Variants in SPIN3 observed in about 807,000 individuals in gnomAD.
The protein encoded by SPIN3 is spindlin-3.
For missense variants in SPIN3, 176 were observed against 196.4 expected (o/e 0.90, Z 0.62); for synonymous variants, 74 against 74.3 (o/e 1.00, Z 0.02).
rs1445771071 is a variant in SPIN3, at chrX:56,994,791, T to C, written c.157A>G (p.Arg53Gly). The C allele has an allele frequency of 5.0e-6, 6 of 1,210,154 alleles. No homozygotes were observed. The highest frequency in any genetic ancestry group is 1.7e-5 in the African/African-American group (1 of 57,161). ...SQPRGNIVGCRIQHGWKDGDE... is the reference protein window; with the variant it reads ...SQPRGNIVGCGIQHGWKDGDE... Reference sequence around the variant, plus strand: ...CCATCTTTCCATCCGTGCTGAATTCTGCAGCCCACGATGTTCCCCCGAGGC... The same window carrying C: ...CCATCTTTCCATCCGTGCTGAATTCCGCAGCCCACGATGTTCCCCCGAGGC... Residue 53 changes from arginine (R) to glycine (G), a missense_variant, in exon 2 of 2, where the codon AGA (arginine) becomes GGA (glycine). By Grantham distance (125) the Arg-to-Gly change is moderately radical. Coordinates refer to ENST00000374919, the MANE Select transcript of SPIN3 (RefSeq NM_001010862.3).
intron 3 of SPIN3, chrX:56,980,445 C>A (rs1466554760): frequency 9.1e-6 from 1 of 109,875 alleles, no homozygotes; most frequent in Non-Finnish European, 1.9e-5. Context: ...AACATGAAAA[C>A]AATATATATT....
chrX:56,977,146 T>A (rs186454799), exon 6 of SPIN3: 1 of 111,845 alleles, frequency 8.9e-6, no homozygotes, highest in African/African-American at 3.2e-5. Flanking sequence ...GCATATCTTC[T>A]GTAATCTCAA....
In SPIN3 at chrX:56,992,000, C is replaced by T; in HGVS notation, c.*2171G>A. The T allele has an allele frequency of 3.4e-6, 1 of 295,829 alleles. No homozygotes were observed. The highest frequency in any genetic ancestry group is 5.9e-6 in the Non-Finnish European group (1 of 169,370). 24.4% of individuals were successfully genotyped at this position (295,829 alleles called of 1,213,427 possible). ...GAACTATATGACCTCACCCCCACCC[C>T]ATCAACTATTAAACTCCAAGGGAAA... On this transcript the variant is annotated 3_prime_UTR_variant, in exon 2 of 2. Coordinates refer to ENST00000374919, the MANE Select transcript of SPIN3 (RefSeq NM_001010862.3).
At position 56,994,081 on chromosome X, in the gene SPIN3, A is replaced by G. The variant is rs1180726098; in HGVS notation, c.*90T>C. On this transcript the variant is annotated 3_prime_UTR_variant, in exon 2 of 2. Coordinates refer to ENST00000374919, the MANE Select transcript of SPIN3 (RefSeq NM_001010862.3). ...CCAAGCAAAACGTGCAAAAAGGGAG[A>G]AGATGGTTCTTACAAACTGGAAAGC... The G allele has an allele frequency of 1.0e-6, 1 of 962,200 alleles. No individual in the cohort carries two copies. The highest frequency in any genetic ancestry group is 2.0e-5 in the African/African-American group (1 of 50,853). The allele number at this position is 962,200 out of a possible 1,213,427, so 79.3% of individuals were successfully genotyped here.
intron 3 of SPIN3, among the ~76,000 whole-genome samples, chrX:56,984,033 G>A (rs1924172390): frequency 9.0e-6 from 1 of 111,414 alleles, no homozygotes; most frequent in South Asian, 3.8e-4. Context: ...CCTGCACTCA[G>A]GGATCCTCTC....
chrX:56,989,603 C>A (rs1295488747), downstream of SPIN3, among the ~76,000 whole-genome samples: 1 of 111,307 alleles, frequency 9.0e-6, no homozygotes, highest in Non-Finnish European at 1.9e-5. Flanking sequence ...GGTAAGCAAG[C>A]GAAGCTTCAT....
chrX:56,982,195 T>C (rs964831351), intron 3 of SPIN3: 8 of 110,924 alleles, frequency 7.2e-5, no homozygotes, highest in African/African-American at 2.6e-4. Context: ...AGAAGCAACA[T>C]ATGGAGAAAC....
rs1924438755 is a variant in SPIN3, at chrX:56,994,578, A to C, written c.370T>G (p.Leu124Val). Reference sequence around the variant, plus strand: ...GCTTTGCCAACCATTATTTCTGCCAAGTGTGTATCACTGATTCTAGATGAT... The same window carrying C: ...GCTTTGCCAACCATTATTTCTGCCACGTGTGTATCACTGATTCTAGATGAT... ...VASSRISDTH[L>V]AEIMVGKAVE... is the part of the protein sequence containing the mutation. The change falls in exon 2 of 2, where the codon TTG (leucine) becomes GTG (valine). Residue 124 changes from leucine to valine, a missense_variant. Coordinates refer to ENST00000374919, the MANE Select transcript of SPIN3 (RefSeq NM_001010862.3). 8.3e-7 allele frequency: 1 copy of C among 1,211,834 alleles called. No individual in the cohort carries two copies. Among genetic ancestry groups the C allele is most frequent in the Middle Eastern group, 2.3e-4 (1 of 4,356 alleles).
chrX:56,989,599 C>T (rs991035282), downstream of SPIN3, among the ~76,000 whole-genome samples: 1 of 111,383 alleles, frequency 9.0e-6, no homozygotes, highest in Non-Finnish European at 1.9e-5. Flanking sequence ...GGTGGGTAAG[C>T]AAGCGAAGCT....
downstream of SPIN3, among the ~76,000 whole-genome samples, chrX:56,986,350 T>C: frequency 8.9e-6 from 1 of 112,020 alleles, no homozygotes; most frequent in Non-Finnish European, 1.9e-5. Context: ...GACTTCCCCC[T>C]TGGTGCTACT....
Position 56,994,884 on chromosome X carries a change from T to C in SPIN3, c.64A>G (p.Ser22Gly). ...QRSRTGAGHG[S>G]VSVTMIKRKA... is the part of the protein sequence containing the mutation. ...CTCTTTATCATGGTAACAGACACAC[T>C]GCCGTGGCCAGCGCCCGTCCTGGAC... Residue 22 changes from serine to glycine, a missense_variant, in exon 2 of 2, where the codon AGT becomes GGT. Coordinates refer to ENST00000374919, the MANE Select transcript of SPIN3 (RefSeq NM_001010862.3). 1 of 1,211,160 alleles carries C rather than the reference T, an allele frequency of 8.3e-7. No homozygotes were observed.
At position 56,991,059 on chromosome X, in the gene SPIN3, GAGA is replaced by G. The variant is rs896553937; in HGVS notation, c.*3109_*3111del. The G allele has an allele frequency of 2.7e-5, 3 of 111,882 alleles. No homozygotes were observed. Among genetic ancestry groups the G allele is most frequent in the Non-Finnish European group, 5.6e-5 (3 of 53,212 alleles). 9.2% of individuals were successfully genotyped at this position (111,882 alleles called of 1,213,427 possible). On this transcript the variant is annotated 3_prime_UTR_variant, in exon 2 of 2. Transcript: ENST00000374919. ...GGACCAGGGAACTGAGGCCAGGGGT[GAGA>G]AGGAGGAAGAGAGACTTACTTTTTA...
At position 56,984,180 on chromosome X, in the gene SPIN3, GTT is replaced by G. The variant is rs755046484; in HGVS notation, c.*204+84_*204+85del. Reference sequence around the variant, plus strand: ...CCTCTCTCTCGTTCACGAAGACACTGTTTTTTGACACTTGTTCCATCCATTCC... The same window carrying G: ...CCTCTCTCTCGTTCACGAAGACACTGTTTTGACACTTGTTCCATCCATTCC... On this transcript the variant is annotated intron_variant and NMD_transcript_variant, in intron 3 of 5. Transcript: ENST00000475785. The G allele has an allele frequency of 7.9e-5, 12 of 151,146 alleles. No homozygotes were observed. The South Asian group carries it at 1.9e-3, about 24-fold the overall frequency. 12.5% of individuals were successfully genotyped at this position (151,146 alleles called of 1,213,427 possible).
chrX:56,979,714 G>T (rs941405299), intron 3 of SPIN3: 1 of 111,341 alleles, frequency 9.0e-6, no homozygotes, highest in East Asian at 2.8e-4. Flanking sequence ...ATTTGTATAG[G>T]GCTGATTTTC....
rs954498921 is a variant in SPIN3, at chrX:56,992,330, T to C, written c.*1841A>G. ...CAATATCAACCTCACATCAAAAAAA[T>C]TAGAAAGCACACTAGTCCCCAGCCA... On this transcript the variant is annotated 3_prime_UTR_variant, in exon 2 of 2. Transcript: ENST00000374919. The C allele has an allele frequency of 6.8e-6, 2 of 294,748 alleles. No homozygotes were observed. The highest frequency in any genetic ancestry group is 5.5e-5 in the African/African-American group (2 of 36,195). 24.3% of individuals were successfully genotyped at this position (294,748 alleles called of 1,213,427 possible).
intron 3 of SPIN3, chrX:56,978,762 C>T (rs1241218044): frequency 5.4e-5 from 6 of 110,952 alleles, no homozygotes; most frequent in Admixed American, 9.6e-5. Flanking sequence ...CTCATGAGCA[C>T]ATGTGGGGAT....
In SPIN3 at chrX:56,993,642, G is replaced by A. The variant is rs1440522535; in HGVS notation, c.*529C>T. 2.7e-5 allele frequency: 3 copies of A among 112,438 alleles called. No homozygotes were observed. Among genetic ancestry groups the A allele is most frequent in the Admixed American group, 1.9e-4 (2 of 10,598 alleles). The allele number at this position is 112,438 out of a possible 1,213,427, so 9.3% of individuals were successfully genotyped here. A position where few individuals can be genotyped will look rare whatever the true frequency, so the allele number is the denominator to read the frequency against. The stretch of plus-strand genomic sequence containing the variant: ...GAGCAATAGGTGAAAGAACCGGAAA[G>A]AGAGCAAAATTATTAGCCTTACTTT... On this transcript the variant is annotated 3_prime_UTR_variant, in exon 2 of 2. Coordinates refer to ENST00000374919, the MANE Select transcript of SPIN3 (RefSeq NM_001010862.3).
chrX:56,987,932 C>A (rs1924256259), downstream of SPIN3, among the ~76,000 whole-genome samples: 1 of 111,969 alleles, frequency 8.9e-6, no homozygotes, highest in African/African-American at 3.2e-5. Flanking sequence ...AGGGAATTCA[C>A]CTTTATTAAG....
At position 56,991,198 on chromosome X, in the gene SPIN3, T is replaced by C. The variant is rs1368761439; in HGVS notation, c.*2973A>G. 8.9e-6 allele frequency: 1 copy of C among 112,407 alleles called. No individual in the cohort carries two copies. Among genetic ancestry groups the C allele is most frequent in the Non-Finnish European group, 1.9e-5 (1 of 53,329 alleles). The allele number at this position is 112,407 out of a possible 1,213,427, so 9.3% of individuals were successfully genotyped here. A position where few individuals can be genotyped will look rare whatever the true frequency, so the allele number is the denominator to read the frequency against. On this transcript the variant is annotated 3_prime_UTR_variant, in exon 2 of 2. Coordinates refer to ENST00000374919, the MANE Select transcript of SPIN3 (RefSeq NM_001010862.3). The stretch of plus-strand genomic sequence containing the variant: ...AAAGAATCAAAATAGATACCAGCTT[T>C]ATAGCTGATAGAGCTGGATTGGAGA...
Sources: allele counts gnomAD v4.1 joint callset (sites outside exome capture counted in the v4.1 genomes callset), GRCh38; gene constraint gnomAD v4.1.1; transcripts MANE v1.5; gene names NCBI Gene and HGNC (gene_info 2026-07-23, HGNC 2026-07-21).